CUX2: variants seen among roughly 807,000 people sequenced by gnomAD.
The protein encoded by CUX2 is cut like homeobox 2.
CUX2 carries 40 observed loss-of-function variants against 144.8 expected under a neutral mutation model. The observed-to-expected ratio is 0.28, with a 90% CI of 0.21 to 0.36. The LOEUF (loss-of-function observed/expected upper bound fraction) is 0.36, where lower values mean the gene tolerates loss of function less well. CUX2 is among the 10% of genes least tolerant of loss of function. CUX2 has a pLI of 1.00. For missense variants in CUX2, 1,615 were observed against 1,994.0 expected (o/e 0.81, Z 3.62); for synonymous variants, 827 against 875.6 (o/e 0.94, Z 0.98).
chr12:111,257,608 A>ACTCTTCCTCCTCCCTGCTCTTCCTCCTCC (rs1565876655), intron 3 of CUX2, among the ~76,000 whole-genome samples: 1 of 36,298 alleles, frequency 2.8e-5, no homozygotes, highest in South Asian at 8.9e-4. Context: ...TCTCCTCCTC[A>ACTCTTCCTCCTCCCTGCTCTTCCTCCTCC]CTCTTCCTCC....
rs1886450517 is a variant in CUX2, at chr12:111,304,018, A to G, written c.754-192A>G. The G allele has an allele frequency of 5.5e-6, 3 of 549,176 alleles. No individual in the cohort carries two copies. In the African/African-American group the frequency reaches 5.7e-5, roughly 10 times the overall value. 34.0% of individuals were successfully genotyped at this position (549,176 alleles called of 1,614,324 possible). ...CTCAGGAGTAACCCCAGAGGCTGCTATTTCTTGTCCCCAGCCCAGACAGGG... is the reference window on the plus strand; with the variant it reads ...CTCAGGAGTAACCCCAGAGGCTGCTGTTTCTTGTCCCCAGCCCAGACAGGG... On this transcript the variant is annotated intron_variant, in intron 9 of 21. Coordinates refer to ENST00000261726, the MANE Select transcript of CUX2 (RefSeq NM_015267.4). The surrounding 1 kb of genome is among the most constrained non-coding windows in gnomAD (Gnocchi z 4.7).
chr12:111,189,451 G>A (rs1236759550), intron 1 of CUX2, among the ~76,000 whole-genome samples: 1 of 152,252 alleles, frequency 6.6e-6, no homozygotes. Flanking sequence ...CAGTGTGTGT[G>A]CCCTTGCACT....
At chr12:111,303,316 G>A in intron 9 of CUX2, among the ~76,000 whole-genome samples, 1 of 150,022 alleles carries the variant, frequency 6.7e-6, no homozygotes, top group East Asian at 2.0e-4. Flanking sequence ...CTTTGTGTTA[G>A]ATGTTTTCAT....
At chr12:111,276,954 T>C (rs902448435) in intron 4 of CUX2, among the ~76,000 whole-genome samples, 1 of 152,152 alleles carries the variant, frequency 6.6e-6, no homozygotes, top group African/African-American at 2.4e-5. Flanking sequence ...GCCAGTTGTT[T>C]CCATATTTTA....
At chr12:111,227,925 A>T (rs1399616744) in intron 3 of CUX2, among the ~76,000 whole-genome samples, 1 of 152,170 alleles carries the variant, frequency 6.6e-6, no homozygotes, top group East Asian at 1.9e-4. Context: ...CTCACAGCAC[A>T]CATGGCCTCA....
chr12:111,141,501 C>T (rs1876315050), intron 1 of CUX2, among the ~76,000 whole-genome samples: 2 of 152,178 alleles, frequency 1.3e-5, no homozygotes, highest in African/African-American at 4.8e-5. Context: ...TAAGCCTCAT[C>T]TAAGTATCTA....
chr12:111,163,693 G>A (rs1200727980), intron 1 of CUX2, among the ~76,000 whole-genome samples: 4 of 152,164 alleles, frequency 2.6e-5, no homozygotes, highest in Non-Finnish European at 4.4e-5. Context: ...TTATGCTTAA[G>A]CCACTTTGCA....
intron 1 of CUX2, among the ~76,000 whole-genome samples, chr12:111,144,718 C>T (rs1876550280): frequency 1.3e-5 from 2 of 152,230 alleles, no homozygotes; most frequent in Admixed American, 1.3e-4. Flanking sequence ...CTTTAGCTTA[C>T]CACTGCTGTC....
At chr12:111,273,604 C>T (rs1351501694) in intron 4 of CUX2, among the ~76,000 whole-genome samples, 1 of 152,186 alleles carries the variant, frequency 6.6e-6, no homozygotes. Flanking sequence ...AAGGATGAAG[C>T]CTTTGCTGAA....
chr12:111,097,950 T>G (rs1872927205), intron 1 of CUX2, among the ~76,000 whole-genome samples: 1 of 152,156 alleles, frequency 6.6e-6, no homozygotes. Context: ...AGTTTGGACT[T>G]TTCCCCGAGG....
intron 9 of CUX2, among the ~76,000 whole-genome samples, chr12:111,299,657 T>G (rs1053536057): frequency 1.3e-5 from 2 of 152,194 alleles, no homozygotes; most frequent in African/African-American, 2.4e-5. Flanking sequence ...GAAATGATCA[T>G]TAAGTAAGCC....
At position 111,068,887 on chromosome 12, in the gene CUX2, T is replaced by C. The variant is rs1057027569; in HGVS notation, c.63+34647T>C. 2.6e-5 allele frequency among the ~76,000 whole-genome samples: 4 copies of C among 151,658 alleles called. No homozygotes were observed. Among genetic ancestry groups the C allele is most frequent in the African/African-American group, 9.7e-5 (4 of 41,252 alleles). On this transcript the variant is annotated intron_variant, in intron 1 of 21. Transcript: ENST00000261726. This position sits in a 1 kb window ranked among gnomAD's most constrained non-coding sequence, Gnocchi z 4.9. ...TTGGGAGGCCGAGGCGGGTGGATCA[T>C]TTGAGGTCAGGAGTTCGAGACCAGC... is the stretch of plus-strand genomic sequence containing the variant.
At chr12:111,082,965 A>G (rs1183700177) in intron 1 of CUX2, among the ~76,000 whole-genome samples, 1 of 152,124 alleles carries the variant, frequency 6.6e-6, no homozygotes, top group Non-Finnish European at 1.5e-5. Flanking sequence ...TGTGCTGGAA[A>G]GAGTCTTCTA....
chr12:111,347,468 T>A, intron 21 of CUX2, 56 bp from the exon 22 acceptor site: 1 of 1,495,122 alleles, frequency 6.7e-7, no homozygotes, highest in Non-Finnish European at 8.9e-7. Context: ...GCAGATGGAG[T>A]CCAGGGTTTG....
At chr12:111,094,568 G>C (rs1469693802) in intron 1 of CUX2, among the ~76,000 whole-genome samples, 5 of 152,200 alleles carry the variant, frequency 3.3e-5, no homozygotes, top group Non-Finnish European at 7.3e-5. Flanking sequence ...TGCAGTCCCA[G>C]CTCACTGCAG....
intron 1 of CUX2, among the ~76,000 whole-genome samples, chr12:111,189,240 C>G (rs914648354): frequency 4.6e-5 from 7 of 152,134 alleles, no homozygotes; most frequent in African/African-American, 1.7e-4. Context: ...CCTCTATACT[C>G]CAGCCTGGGT....
At chr12:111,279,773 A>G (rs1177517525) in intron 4 of CUX2, among the ~76,000 whole-genome samples, 1 of 152,164 alleles carries the variant, frequency 6.6e-6, no homozygotes, top group East Asian at 1.9e-4. Flanking sequence ...CGCAAGGTCA[A>G]GAGATCGAGA....
Position 111,334,479 on chromosome 12 carries a change from C to G in CUX2, c.2965C>G (p.Pro989Ala). The change falls in exon 19 of 22, where the codon CCC (proline) becomes GCC (alanine). Residue 989 changes from proline to alanine, a missense_variant. Coordinates refer to ENST00000261726, the MANE Select transcript of CUX2 (RefSeq NM_015267.4). ...ACCAAGGTCCTCACCATCCCCACCC[C>G]CCAGCCCCACAGAGCCTGAGAAGAG... ...TEPRSSPSPPPSPTEPEKSSQ... is the reference protein window; with the variant it reads ...TEPRSSPSPPASPTEPEKSSQ... 1 of 1,611,414 alleles carries G rather than the reference C, an allele frequency of 6.2e-7. No individual in the cohort carries two copies. Among genetic ancestry groups the G allele is most frequent in the African/African-American group, 1.3e-5 (1 of 74,974 alleles).
intron 1 of CUX2, among the ~76,000 whole-genome samples, chr12:111,134,612 CTCTCTCTCTGTG>C (rs1875727696): frequency 2.1e-5 from 3 of 143,808 alleles, no homozygotes; most frequent in African/African-American, 8.9e-5. Flanking sequence ...CTCTCTCTCT[CTCTCTCTCTGTG>C]TGTGTGTGTG....
Sources: gnomAD v4.1 joint callset for allele counts (sites outside exome capture counted in the v4.1 genomes callset) on GRCh38, gnomAD v4.1.1 for gene constraint, Gnocchi (gnomAD v3.1) non-coding constraint, MANE v1.5 for transcripts, NCBI Gene and HGNC (gene_info 2026-07-23, HGNC 2026-07-21) for gene names.